HECW2: variants seen among roughly 807,000 people sequenced by gnomAD.
HECW2 encodes HECT, C2 and WW domain containing E3 ubiquitin protein ligase 2.
In HECW2, 61 loss-of-function variants were observed where a neutral mutation model predicts 175.2. The observed-to-expected ratio is 0.35, with a 90% CI of 0.28 to 0.43. The LOEUF is 0.43. HECW2 is among the 20% of genes least tolerant of loss of function. HECW2 has a pLI of 1.00. For synonymous variants in HECW2, 671 were observed against 731.0 expected (o/e 0.92, Z 1.32); for missense variants, 1,524 against 2,000.5 (o/e 0.76, Z 4.54).
intron 11 of HECW2, 38 bp from the exon 12 acceptor site, chr2:196,307,271 T>G (rs755702359): frequency 2.1e-6 from 3 of 1,407,460 alleles, no homozygotes; most frequent in South Asian, 2.3e-5. Flanking sequence ...CCAGCAGCAT[T>G]TAAGAGATGG....
chr2:196,350,731 TA>T (rs1439156285), intron 2 of HECW2, among the ~76,000 whole-genome samples: 2 of 152,198 alleles, frequency 1.3e-5, no homozygotes, highest in Non-Finnish European at 2.9e-5. Context: ...TTTCCTGCCA[TA>T]AGGAGCTGAC....
intron 1 of HECW2, among the ~76,000 whole-genome samples, chr2:196,540,645 A>G (rs1198054037): frequency 6.6e-6 from 1 of 152,112 alleles, no homozygotes; most frequent in Non-Finnish European, 1.5e-5. Context: ...GGGTCTCGCT[A>G]TGTTGCCCAG....
At position 196,320,381 on chromosome 2, in the gene HECW2, A is replaced by G; in HGVS notation, c.943T>C (p.Tyr315His). ...RRLPADHVSGYLQFKVEVTSS... is the reference protein window; with the variant it reads ...RRLPADHVSGHLQFKVEVTSS... Reference sequence around the variant, plus strand: ...GTAACCTCCACTTTAAACTGGAGGTACCCACTCACGTGGTCAGCTGGGAGC... The same window carrying G: ...GTAACCTCCACTTTAAACTGGAGGTGCCCACTCACGTGGTCAGCTGGGAGC... Residue 315 changes from tyrosine (Y) to histidine (H), a missense_variant, in exon 8 of 29, where the codon TAC (tyrosine) becomes CAC (histidine). By Grantham distance (83) the Tyr-to-His change is moderately conservative. Transcript: ENST00000644978. The G allele has an allele frequency of 6.2e-7, 1 of 1,612,850 alleles. No homozygotes were observed. The highest frequency in any genetic ancestry group is 1.1e-5 in the South Asian group (1 of 90,952).
chr2:196,302,770 T>A (rs1352825566), intron 13 of HECW2, among the ~76,000 whole-genome samples: 2 of 152,250 alleles, frequency 1.3e-5, no homozygotes, highest in East Asian at 3.8e-4. Flanking sequence ...ACTGATTTTG[T>A]ATTCTGAGAC....
In HECW2 at chr2:196,276,909, T is replaced by C. The variant is rs190415702; in HGVS notation, c.3135+1619A>G. 4.0e-4 allele frequency among the ~76,000 whole-genome samples: 61 copies of C among 152,340 alleles called. 1 individual carries two copies. In the South Asian group the frequency reaches 4.6e-3, roughly 11 times the overall value. On this transcript the variant is annotated intron_variant, in intron 15 of 28. Transcript: ENST00000644978. Reference sequence around the variant, plus strand: ...ATGAATCAGATCCAGTTATTTATTGTATTCATATTTTTTCTTATACAAAAT... The same window carrying C: ...ATGAATCAGATCCAGTTATTTATTGCATTCATATTTTTTCTTATACAAAAT...
rs567863635 is a variant in HECW2, at chr2:196,582,049, T to C, written c.-36+11459A>G. ...CCACTGCACTCCAGCCTGGGTGACA[T>C]AGTGAGACTCCATCTCGAAAAATAA... is the stretch of plus-strand genomic sequence containing the variant. On this transcript the variant is annotated intron_variant, in intron 1 of 28. Coordinates refer to ENST00000644978, the MANE Select transcript of HECW2 (RefSeq NM_001348768.2). Among the ~76,000 whole-genome samples the C allele has an allele frequency of 2.1e-3, 303 of 142,388 alleles. 2 individuals carry two copies. Among genetic ancestry groups the C allele is most frequent in the African/African-American group, 8.5e-3 (277 of 32,470 alleles). 93.4% of individuals were successfully genotyped at this position (142,388 alleles called of 152,430 possible). A position where few individuals can be genotyped will look rare whatever the true frequency, so the allele number is the denominator to read the frequency against.
intron 23 of HECW2, among the ~76,000 whole-genome samples, chr2:196,223,464 G>C (rs1190724107): frequency 6.6e-6 from 1 of 152,130 alleles, no homozygotes. Flanking sequence ...GAAGGGGAAA[G>C]AGAAAGGAGA....
At chr2:196,283,530 C>T (rs1690268884) in intron 14 of HECW2, among the ~76,000 whole-genome samples, 1 of 151,776 alleles carries the variant, frequency 6.6e-6, no homozygotes, top group African/African-American at 2.4e-5. Context: ...CACGCACCAC[C>T]ACGCTACCAC....
intron 1 of HECW2, among the ~76,000 whole-genome samples, chr2:196,541,164 A>G (rs1689199097): frequency 6.6e-6 from 1 of 152,036 alleles, no homozygotes; most frequent in Non-Finnish European, 1.5e-5. Flanking sequence ...CTGCCTGTGC[A>G]CCTCTGTACC....
At chr2:196,251,346 C>T (rs1271627611) in intron 19 of HECW2, among the ~76,000 whole-genome samples, 1 of 152,124 alleles carries the variant, frequency 6.6e-6, no homozygotes, top group Non-Finnish European at 1.5e-5. Context: ...TGACATCATC[C>T]TCTATTTCCT....
chr2:196,209,452 G>A (rs1486602807), intron 28 of HECW2, among the ~76,000 whole-genome samples: 1 of 152,178 alleles, frequency 6.6e-6, no homozygotes, highest in East Asian at 1.9e-4. Context: ...GCATGTTTTT[G>A]TTAGTACATG....
chr2:196,359,768 T>A (rs534587436), intron 2 of HECW2, among the ~76,000 whole-genome samples: 75 of 152,344 alleles, frequency 4.9e-4, no homozygotes, highest in African/African-American at 1.6e-3. Flanking sequence ...CAAATACTTG[T>A]TGGAGCTCAT....
Position 196,228,151 on chromosome 2 carries a change from T to C in HECW2, c.3868A>G (p.Thr1290Ala), listed in dbSNP as rs1337963230. 1 of 1,613,676 alleles carries C rather than the reference T, an allele frequency of 6.2e-7. No homozygotes were observed. The highest frequency in any genetic ancestry group is 8.5e-7 in the Non-Finnish European group (1 of 1,179,782). ...GCAGACATAGGACTTATTTGTACTG[T>C]GTATGTGTCATTGGCTGAATATTCA... Reference protein sequence around the residue: ...LFEYSANDTYTVQISPMSAFV... With the variant: ...LFEYSANDTYAVQISPMSAFV... The change falls in exon 22 of 29, where the codon ACA becomes GCA. Residue 1290 changes from threonine (T) to alanine (A), a missense_variant. Thr to Ala is a moderately conservative substitution (Grantham distance 58). Coordinates refer to ENST00000644978, the MANE Select transcript of HECW2 (RefSeq NM_001348768.2).
intron 23 of HECW2, 136 bp from the exon 24 acceptor site, chr2:196,222,476 A>G: frequency 1.3e-6 from 1 of 744,960 alleles, no homozygotes; most frequent in East Asian, 2.8e-5. Context: ...GAATGTTCTT[A>G]GTCCAAGTCC....
chr2:196,299,189 T>C (rs184091329), intron 13 of HECW2, among the ~76,000 whole-genome samples: 1 of 152,130 alleles, frequency 6.6e-6, no homozygotes, highest in East Asian at 1.9e-4. Context: ...TAAATGCAGT[T>C]CATAAGAGGA....
At chr2:196,398,191 T>C (rs761923984) in intron 2 of HECW2, among the ~76,000 whole-genome samples, 14 of 152,034 alleles carry the variant, frequency 9.2e-5, no homozygotes, top group African/African-American at 3.1e-4. Context: ...GGAGGATACA[T>C]TGGCCTGAAA....
At chr2:196,204,257 C>G (rs1686984016) in intron 28 of HECW2, among the ~76,000 whole-genome samples, 1 of 152,148 alleles carries the variant, frequency 6.6e-6, no homozygotes, top group African/African-American at 2.4e-5. Flanking sequence ...TTCATAGTGG[C>G]TGCAACATTT....
chr2:196,253,910 G>C lies in HECW2; in HGVS notation c.3529+10C>G. The C allele has an allele frequency of 1.2e-6, 2 of 1,612,330 alleles. No homozygotes were observed. Among genetic ancestry groups the C allele is most frequent in the Non-Finnish European group, 1.7e-6 (2 of 1,178,476 alleles). Reference sequence around the variant, plus strand: ...TCAGAGAATTCACTGTGAGCAGCAGGTGGACTCACCTGGCGAGTTCTGAGG... The same window carrying C: ...TCAGAGAATTCACTGTGAGCAGCAGCTGGACTCACCTGGCGAGTTCTGAGG... On this transcript the variant is annotated intron_variant, in intron 19 of 28. Coordinates refer to ENST00000644978, the MANE Select transcript of HECW2 (RefSeq NM_001348768.2).
chr2:196,313,281 A>G lies in HECW2; in HGVS notation c.2434+3993T>C, dbSNP rs1048149806. On this transcript the variant is annotated intron_variant, in intron 10 of 28. Coordinates refer to ENST00000644978, the MANE Select transcript of HECW2 (RefSeq NM_001348768.2). ...TCATCTTAATGCTAAAAAGACCAACATTTGTCACACCGATAATATTTTAGA... is the reference window on the plus strand; with the variant it reads ...TCATCTTAATGCTAAAAAGACCAACGTTTGTCACACCGATAATATTTTAGA... 1.4e-4 allele frequency among the ~76,000 whole-genome samples: 21 copies of G among 152,306 alleles called. No individual in the cohort carries two copies. The Middle Eastern group carries it at 0.01, about 74-fold the overall frequency.
Sources: gnomAD v4.1 joint callset for allele counts (sites outside exome capture counted in the v4.1 genomes callset) on GRCh38, gnomAD v4.1.1 for gene constraint, MANE v1.5 for transcripts, NCBI Gene and HGNC (gene_info 2026-07-23, HGNC 2026-07-21) for gene names.